PTPRT: variants seen among roughly 807,000 people sequenced by gnomAD.
The protein encoded by PTPRT is receptor-type tyrosine-protein phosphatase T.
PTPRT carries 56 observed loss-of-function variants against 176.8 expected under a neutral mutation model. That is an observed-to-expected ratio of 0.32 (90% CI 0.26 to 0.40). The LOEUF (loss-of-function observed/expected upper bound fraction) is 0.40, where lower values mean the gene tolerates loss of function less well. Ranked by LOEUF, PTPRT falls within the 10% of genes least tolerant of loss-of-function variation. PTPRT has a pLI of 1.00. For missense variants in PTPRT, 1,540 were observed against 1,908.2 expected (o/e 0.81, Z 3.60); for synonymous variants, 783 against 739.0 (o/e 1.06, Z -0.96).
At chr20:43,024,275 C>A (rs1349817616) in intron 1 of PTPRT, among the ~76,000 whole-genome samples, 1 of 151,956 alleles carries the variant, frequency 6.6e-6, no homozygotes, top group African/African-American at 2.4e-5. Flanking sequence ...CAGTAGTTGA[C>A]ACAAAACCAA....
chr20:42,295,837 A>C (rs1052175756), intron 12 of PTPRT, among the ~76,000 whole-genome samples: 1 of 152,174 alleles, frequency 6.6e-6, no homozygotes, highest in African/African-American at 2.4e-5. Context: ...TATTCTTGTC[A>C]TAGTGAGTTT....
chr20:42,910,843 G>A (rs1269523115), intron 1 of PTPRT, among the ~76,000 whole-genome samples: 2 of 152,192 alleles, frequency 1.3e-5, no homozygotes, highest in Non-Finnish European at 2.9e-5. Flanking sequence ...AAGGACAGAG[G>A]TTTAATGGAC....
Position 42,073,889 on chromosome 20 carries a change from T to C in PTPRT, c.*6990A>G. 4.4e-6 allele frequency: 1 copy of C among 228,560 alleles called. No individual in the cohort carries two copies. Among genetic ancestry groups the C allele is most frequent in the Non-Finnish European group, 8.7e-6 (1 of 115,066 alleles). 14.2% of individuals were successfully genotyped at this position (228,560 alleles called of 1,614,324 possible). A position where few individuals can be genotyped will look rare whatever the true frequency, so the allele number is the denominator to read the frequency against. ...GAAATCCATTTCACCAATGCTTCTCTTCCCTTTAAAGAGACACCTGCCTTC... is the reference window on the plus strand; with the variant it reads ...GAAATCCATTTCACCAATGCTTCTCCTCCCTTTAAAGAGACACCTGCCTTC... On this transcript the variant is annotated 3_prime_UTR_variant, in exon 31 of 31. Coordinates refer to ENST00000373187, the MANE Select transcript of PTPRT (RefSeq NM_007050.6).
chr20:42,143,118 C>A (rs904932680), intron 17 of PTPRT, among the ~76,000 whole-genome samples: 1 of 152,080 alleles, frequency 6.6e-6, no homozygotes, highest in African/African-American at 2.4e-5. Context: ...ATGAACTGGG[C>A]ATTATTCTAA....
chr20:42,805,713 T>A (rs1246224398), intron 2 of PTPRT, among the ~76,000 whole-genome samples: 1 of 152,208 alleles, frequency 6.6e-6, no homozygotes, highest in Non-Finnish European at 1.5e-5. Flanking sequence ...GGCTCTGAAG[T>A]ACCTTTGCAA....
chr20:42,047,775 T>G, the PTPRT span, among the ~76,000 whole-genome samples: 1 of 152,134 alleles, frequency 6.6e-6, no homozygotes, highest in Admixed American at 6.5e-5. Flanking sequence ...CACTGGGCCC[T>G]TGTGACCCCA....
intron 3 of PTPRT, among the ~76,000 whole-genome samples, chr20:42,784,715 G>C (rs979038533): frequency 6.6e-6 from 1 of 150,634 alleles, no homozygotes; most frequent in African/African-American, 2.4e-5. Flanking sequence ...CTTAATTTCA[G>C]GGGCCTATAT....
At chr20:42,998,014 C>A (rs1984323838) in intron 1 of PTPRT, among the ~76,000 whole-genome samples, 1 of 152,132 alleles carries the variant, frequency 6.6e-6, no homozygotes, top group African/African-American at 2.4e-5. Context: ...GCAGAGACCC[C>A]AGAGACTATG....
chr20:42,672,381 T>C (rs954310423), intron 7 of PTPRT, among the ~76,000 whole-genome samples: 8 of 152,158 alleles, frequency 5.3e-5, no homozygotes, highest in African/African-American at 1.9e-4. Context: ...CGGACTGGCT[T>C]CCTTTCTCCA....
At chr20:43,012,971 T>A (rs1023451970) in intron 1 of PTPRT, among the ~76,000 whole-genome samples, 2 of 151,950 alleles carry the variant, frequency 1.3e-5, no homozygotes, top group East Asian at 3.9e-4. Context: ...AAGCCCTCCA[T>A]AAATCATTCA....
At chr20:42,885,414 G>T (rs2079086481) in intron 2 of PTPRT, among the ~76,000 whole-genome samples, 1 of 149,996 alleles carries the variant, frequency 6.7e-6, no homozygotes, top group Non-Finnish European at 1.5e-5. Flanking sequence ...CCTTATAATA[G>T]TCTGTACTGT....
rs564761819 is a variant in PTPRT at position 42,106,653 on chromosome 20, C to T, written c.3390+133G>A. The T allele has an allele frequency of 1.1e-5, 14 of 1,231,824 alleles. No individual in the cohort carries two copies. The South Asian group carries it at 1.9e-4, about 16-fold the overall frequency. The allele number at this position is 1,231,824 out of a possible 1,614,324, so 76.3% of individuals were successfully genotyped here. On this transcript the variant is annotated intron_variant, in intron 24 of 30. Coordinates refer to ENST00000373187, the MANE Select transcript of PTPRT (RefSeq NM_007050.6). ...CTCACCATAGTAAGCCACGTGTCTA[C>T]TCCCTCCTGCTTCTCTCACACCCAG...
chr20:43,007,246 A>G (rs1295425000), intron 1 of PTPRT, among the ~76,000 whole-genome samples: 1 of 152,174 alleles, frequency 6.6e-6, no homozygotes, highest in Non-Finnish European at 1.5e-5. Context: ...AAGGGTTCCA[A>G]GGAAACAGCT....
In PTPRT at chr20:43,090,303, T is replaced by C. The variant is rs544862264; in HGVS notation, c.88+99343A>G. ...TTTTTTTTGAGATGGAGTCTTGTTC[T>C]GTCGCCCAGGCTGGAGTGCAGTGGC... On this transcript the variant is annotated intron_variant, in intron 1 of 30. Transcript: ENST00000373187. Among the ~76,000 whole-genome samples, 45 of 151,736 alleles carry C rather than the reference T, an allele frequency of 3.0e-4. No homozygotes were observed. In the East Asian group the frequency reaches 8.0e-3, roughly 27 times the overall value.
rs535504973 is a variant in PTPRT at position 42,972,528 on chromosome 20, G to A, written c.89-86596C>T. Reference sequence around the variant, plus strand: ...AATACAAAAATTAGCTGCTTGTGATGGTGCACACCTGTAGATCCCAGCTAC... The same window carrying A: ...AATACAAAAATTAGCTGCTTGTGATAGTGCACACCTGTAGATCCCAGCTAC... On this transcript the variant is annotated intron_variant, in intron 1 of 30. Coordinates refer to ENST00000373187, the MANE Select transcript of PTPRT (RefSeq NM_007050.6). Among the ~76,000 whole-genome samples the A allele has an allele frequency of 3.6e-4, 55 of 151,780 alleles. 1 individual carries two copies. The highest frequency in any genetic ancestry group is 2.9e-3 in the South Asian group (14 of 4,802).
At chr20:42,799,349 C>A (rs1047791848) in intron 2 of PTPRT, among the ~76,000 whole-genome samples, 3 of 152,088 alleles carry the variant, frequency 2.0e-5, no homozygotes, top group African/African-American at 7.2e-5. Context: ...CCCTCCTGAC[C>A]TCCCAAACAA....
intron 1 of PTPRT, among the ~76,000 whole-genome samples, chr20:43,059,597 C>T (rs1201151425): frequency 6.6e-6 from 1 of 152,196 alleles, no homozygotes; most frequent in Non-Finnish European, 1.5e-5. Context: ...ACATTCTACT[C>T]AGCATTACTT....
chr20:43,063,951 T>A (rs192885424), intron 1 of PTPRT, among the ~76,000 whole-genome samples: 1 of 152,238 alleles, frequency 6.6e-6, no homozygotes, highest in Admixed American at 6.5e-5. Flanking sequence ...GAAATAAAAT[T>A]TGCTAATAGC....
At chr20:42,989,304 G>T (rs1221488731) in intron 1 of PTPRT, among the ~76,000 whole-genome samples, 1 of 152,232 alleles carries the variant, frequency 6.6e-6, no homozygotes, top group Non-Finnish European at 1.5e-5. Flanking sequence ...CAATTTCCAT[G>T]GGATAGCACA....
Sources: allele counts gnomAD v4.1 joint callset (sites outside exome capture counted in the v4.1 genomes callset), GRCh38; gene constraint gnomAD v4.1.1; transcripts MANE v1.5; gene names NCBI Gene and HGNC (gene_info 2026-07-23, HGNC 2026-07-21).